Variants in KIAA1671 observed in about 807,000 individuals in gnomAD.
KIAA1671 encodes uncharacterized protein KIAA1671.
KIAA1671 carries 52 observed loss-of-function variants against 131.2 expected under a neutral mutation model. The ratio of observed to expected loss-of-function variants is 0.40; its 90% CI spans 0.32 to 0.50. The LOEUF is 0.50. KIAA1671 is among the 20% of genes least tolerant of loss of function. The probability of loss-of-function intolerance (pLI) is 0.73; values close to 1 mark genes in which losing one functional copy is unlikely to be tolerated. For synonymous variants in KIAA1671, 1,003 were observed against 961.6 expected (o/e 1.04, Z -0.80); for missense variants, 2,360 against 2,364.2 (o/e 1.00, Z 0.04).
intron 6 of KIAA1671, among the ~76,000 whole-genome samples, chr22:25,083,938 G>C (rs1223322620): frequency 6.6e-6 from 1 of 152,190 alleles, no homozygotes; most frequent in East Asian, 1.9e-4. Context: ...TATTTGCCGA[G>C]AGCAGCCTGG....
In KIAA1671 at chr22:24,973,400, T is replaced by TTG. The variant is rs1555948815; in HGVS notation, c.-208+20629_-208+20630insGT. ...AACTGCATATGATGGTTTTTTTTTT[T>TTG]TTTTTTTTTTTTTTTTGAGACGGAG... On this transcript the variant is annotated intron_variant, in intron 1 of 12. Transcript: ENST00000358431. Among the ~76,000 whole-genome samples, 641 of 135,988 alleles carry TTG rather than the reference T, an allele frequency of 4.7e-3. 8 individuals are homozygous for TTG. Among genetic ancestry groups the TTG allele is most frequent in the African/African-American group, 0.014 (494 of 36,290 alleles). The allele number at this position is 135,988 out of a possible 152,430, so 89.2% of individuals were successfully genotyped here.
intron 6 of KIAA1671, among the ~76,000 whole-genome samples, chr22:25,109,114 C>CTT (rs869242613): frequency 1.4e-5 from 2 of 143,354 alleles, no homozygotes; most frequent in Non-Finnish European, 3.1e-5. Flanking sequence ...ACTATCACTT[C>CTT]TTTTTTTTTT....
chr22:24,984,891 C>T (rs1233164373), intron 1 of KIAA1671, among the ~76,000 whole-genome samples: 3 of 122,766 alleles, frequency 2.4e-5, no homozygotes, highest in African/African-American at 6.6e-5. Flanking sequence ...TCCAGCCTGG[C>T]GACAGAGCTA....
At chr22:24,992,348 T>C (rs1383288400) in intron 1 of KIAA1671, among the ~76,000 whole-genome samples, 1 of 152,136 alleles carries the variant, frequency 6.6e-6, no homozygotes, top group East Asian at 1.9e-4. Context: ...GGAGGGAATG[T>C]ACTTACCGTG....
chr22:25,025,188 C>G (rs1209668015), intron 1 of KIAA1671, among the ~76,000 whole-genome samples: 1 of 151,972 alleles, frequency 6.6e-6, no homozygotes, highest in Admixed American at 6.6e-5. Context: ...TGCTCAGTAG[C>G]TACCTCCTCT....
intron 1 of KIAA1671, among the ~76,000 whole-genome samples, chr22:25,022,016 T>A (rs1925699113): frequency 6.6e-6 from 1 of 151,936 alleles, no homozygotes; most frequent in African/African-American, 2.4e-5. Flanking sequence ...CCTCGTGATC[T>A]GCTCGCCTCA....
chr22:25,088,924 G>A (rs1460328770), intron 6 of KIAA1671, among the ~76,000 whole-genome samples: 1 of 152,068 alleles, frequency 6.6e-6, no homozygotes, highest in African/African-American at 2.4e-5. Context: ...TTTGCCCTTT[G>A]TATCCATGGT....
At chr22:25,177,635 A>C in intron 9 of KIAA1671, 113 bp downstream of exon 9, 1 of 863,320 alleles carries the variant, frequency 1.2e-6, no homozygotes, top group Non-Finnish European at 1.7e-6. Context: ...TTAGAACACA[A>C]TTACATAGGA....
intron 6 of KIAA1671, among the ~76,000 whole-genome samples, chr22:25,112,923 A>G (rs1224717155): frequency 6.6e-6 from 1 of 152,072 alleles, no homozygotes; most frequent in Non-Finnish European, 1.5e-5. Context: ...ATTGCCAAGG[A>G]AAGGGTCTTA....
chr22:25,103,983 G>C lies in KIAA1671; in HGVS notation c.4530+54619G>C, dbSNP rs750978656. On this transcript the variant is annotated intron_variant, in intron 6 of 12. Transcript: ENST00000358431. ...CACTGTACCACCTTCTTTTTTGTTT[G>C]TTTGTTTTGTTTTGAGATGGAATCT... is the stretch of plus-strand genomic sequence containing the variant. Among the ~76,000 whole-genome samples, 52 of 151,976 alleles carry C rather than the reference G, an allele frequency of 3.4e-4. 1 individual carries two copies. Among genetic ancestry groups the C allele is most frequent in the Middle Eastern group, 6.8e-3 (2 of 294 alleles).
rs1311183718 is a variant in KIAA1671 at position 25,041,241 on chromosome 22, C to G, written c.4111C>G (p.Gln1371Glu). 2.3e-5 allele frequency: 36 copies of G among 1,551,732 alleles called. 1 individual carries two copies. The South Asian group carries it at 3.8e-4, about 16-fold the overall frequency. Residue 1371 changes from glutamine to glutamate, a missense_variant, in exon 5 of 13, where the codon CAG becomes GAG. Around this residue, in one of 3 missense-constraint regions of KIAA1671, gnomAD observed 1,161 missense variants for 1,204.7 expected, o/e 0.96. Coordinates refer to ENST00000358431, the MANE Select transcript of KIAA1671 (RefSeq NM_001145206.2). ...RVSPKSPPTD[Q>E]KKGTPRKSTG... is the part of the protein sequence containing the mutation. ...GTCACCCAAATCGCCCCCCACTGAC[C>G]AGAAGAAAGGGACCCCAAGGAAATC...
intron 6 of KIAA1671, among the ~76,000 whole-genome samples, chr22:25,159,715 T>A (rs372790232): frequency 6.6e-6 from 1 of 152,138 alleles, no homozygotes; most frequent in Non-Finnish European, 1.5e-5. Context: ...AAGGTTGAGT[T>A]GTTGTAGCTA....
intron 10 of KIAA1671, among the ~76,000 whole-genome samples, chr22:25,184,542 T>C (rs1298878988): frequency 6.6e-6 from 1 of 152,170 alleles, no homozygotes; most frequent in East Asian, 1.9e-4. Context: ...AATGGGTGGA[T>C]ATTTGCCCTC....
intron 1 of KIAA1671, chr22:25,012,254 AT>A (rs1925077410): frequency 6.6e-6 from 1 of 150,476 alleles, no homozygotes. Flanking sequence ...TTATTTTTAA[AT>A]TTTCCCTTTT....
rs1248602351 is a variant in KIAA1671 at position 25,150,758 on chromosome 22, G to A, written c.4531-20062G>A. On this transcript the variant is annotated intron_variant, in intron 6 of 12. Coordinates refer to ENST00000358431, the MANE Select transcript of KIAA1671 (RefSeq NM_001145206.2). ...CAAATTGGGGGCTGAACAGCACCCC[G>A]CTCCTCAAGTCCGTGGGTGGGAAAA... 2.6e-5 allele frequency among the ~76,000 whole-genome samples: 4 copies of A among 151,998 alleles called. No individual in the cohort carries two copies. The East Asian group carries it at 5.8e-4, about 22-fold the overall frequency.
intron 1 of KIAA1671, among the ~76,000 whole-genome samples, chr22:24,997,793 AC>A (rs1192202938): frequency 6.6e-6 from 1 of 152,186 alleles, no homozygotes; most frequent in Non-Finnish European, 1.5e-5. Context: ...ACGTATGTAT[AC>A]AAGATGTAAT....
chr22:25,112,492 AAAC>A lies in KIAA1671; in HGVS notation c.4531-58323_4531-58321del, dbSNP rs574382393. The A allele has an allele frequency of 2.3e-4, 92 of 398,696 alleles. No individual in the cohort carries two copies. The East Asian group carries it at 3.1e-3, about 14-fold the overall frequency. The allele number at this position is 398,696 out of a possible 1,614,324, so 24.7% of individuals were successfully genotyped here. On this transcript the variant is annotated intron_variant, in intron 6 of 12. Coordinates refer to ENST00000358431, the MANE Select transcript of KIAA1671 (RefSeq NM_001145206.2). Reference sequence around the variant, plus strand: ...GCTTATTATGTTTTAAAAAATATTAAAACAACACTGAAAGCTCCTCCCCTCCAG... The same window carrying A: ...GCTTATTATGTTTTAAAAAATATTAAAACACTGAAAGCTCCTCCCCTCCAG...
At chr22:25,027,750 C>T (rs1222057256) in intron 2 of KIAA1671, among the ~76,000 whole-genome samples, 195 bp from the exon 3 acceptor site, 5 of 152,098 alleles carry the variant, frequency 3.3e-5, no homozygotes, top group African/African-American at 7.2e-5. Flanking sequence ...CAGGGATGGG[C>T]GTTTAGTCCA....
At chr22:25,081,588 G>C (rs1387841156) in intron 6 of KIAA1671, among the ~76,000 whole-genome samples, 2 of 150,034 alleles carry the variant, frequency 1.3e-5, no homozygotes, top group Non-Finnish European at 3.0e-5. Flanking sequence ...GGGCACCCCT[G>C]TTCTAACAAC....
Sources: gnomAD v4.1 joint callset for allele counts (sites outside exome capture counted in the v4.1 genomes callset) on GRCh38, gnomAD v4.1.1 for gene constraint, gnomAD v4.1.1 regional missense constraint, MANE v1.5 for transcripts, NCBI Gene and HGNC (gene_info 2026-07-23, HGNC 2026-07-21) for gene names.